The following ODC1 variants were observed in gnomAD, a reference collection of about 807,000 sequenced individuals.
ODC1 encodes the protein ornithine decarboxylase 1, also known as ornithine decarboxylase.
In ODC1, 18 loss-of-function variants were observed where a neutral mutation model predicts 41.5. That is an observed-to-expected ratio of 0.43 (90% CI 0.30 to 0.64). ODC1 has a LOEUF of 0.64. Ranked by LOEUF, ODC1 falls within the 30% of genes least tolerant of loss-of-function variation. The pLI is 0.11. For synonymous variants in ODC1, 218 were observed against 211.6 expected, an observed-to-expected ratio of 1.03 and a Z score of -0.26; for missense variants, 504 against 589.0, an observed-to-expected ratio of 0.86 and a Z score of 1.49.
intron 4 of ODC1, 74 bp downstream of exon 4, chr2:10,444,400 A>C (rs1224391679): frequency 2.6e-6 from 4 of 1,520,052 alleles, no homozygotes; most frequent in Non-Finnish European, 3.5e-6. Flanking sequence ...CAAAAAACAC[A>C]ACTTGTATCT....
intron 8 of ODC1, among the ~76,000 whole-genome samples, chr2:10,442,876 A>G (rs950433315): frequency 1.5e-4 from 22 of 145,962 alleles, no homozygotes; most frequent in African/African-American, 5.8e-4. Context: ...ACACCAGGCT[A>G]ATTTTAAAAT....
In ODC1 at chr2:10,444,513, G is replaced by A. The variant is rs28362397; in HGVS notation, c.237C>T (p.Thr79=). Residue 79 remains threonine, a synonymous_variant, in exon 4 of 12, where the codon ACC becomes ACT. Coordinates refer to ENST00000234111, the MANE Select transcript of ODC1 (RefSeq NM_002539.3). ...KCNDSKAIVK[T]LAATGTGFDC... is the part of the protein sequence containing the mutation. ...CAAATCCTGTCCCGGTAGCAGCAAG[G>A]GTCTTCACGATGGCTTTGCTATCAT... is the stretch of plus-strand genomic sequence containing the variant. 1 of 1,613,704 alleles carries A rather than the reference G, an allele frequency of 6.2e-7. No homozygotes were observed. The highest frequency in any genetic ancestry group is 8.5e-7 in the Non-Finnish European group (1 of 1,179,934).
In ODC1 at chr2:10,441,548, T is replaced by C. The variant is rs756021009; in HGVS notation, c.1202A>G (p.Gln401Arg). 6.2e-7 allele frequency: 1 copy of C among 1,614,082 alleles called. No homozygotes were observed. The highest frequency in any genetic ancestry group is 8.5e-7 in the Non-Finnish European group (1 of 1,180,040). The part of the protein sequence containing the change: ...VAAASTFNGF[Q>R]RPTIYYVMSG... ...CATCACATAGTAGATCGTCGGCCTC[T>C]GGAAGCCATTGAACGTAGAGGCAGC... The change falls in exon 11 of 12, where the codon CAG becomes CGG. Residue 401 changes from glutamine to arginine, a missense_variant. Coordinates refer to ENST00000234111, the MANE Select transcript of ODC1 (RefSeq NM_002539.3).
chr2:10,446,536 G>A (rs1247368650), intron 1 of ODC1, among the ~76,000 whole-genome samples: 1 of 152,226 alleles, frequency 6.6e-6, no homozygotes, highest in Non-Finnish European at 1.5e-5. Flanking sequence ...GCTTAGCTAT[G>A]AGAATAATTT....
rs1027570320 is a variant in ODC1, at chr2:10,442,009, T to A, written c.913+3A>T. On this transcript the variant is annotated splice_donor_region_variant and intron_variant, in intron 9 of 11. Coordinates refer to ENST00000234111, the MANE Select transcript of ODC1 (RefSeq NM_002539.3). Reference sequence around the variant, plus strand: ...CATGAAGTGATTCGTCCTTTATACATACCATCAGAGCCCGTCTGTTCCTTT... The same window carrying A: ...CATGAAGTGATTCGTCCTTTATACAAACCATCAGAGCCCGTCTGTTCCTTT... The A allele has an allele frequency of 4.3e-6, 7 of 1,613,464 alleles. No individual in the cohort carries two copies. The highest frequency in any genetic ancestry group is 5.9e-6 in the Non-Finnish European group (7 of 1,179,490).
chr2:10,447,207 A>T (rs1327197686), intron 1 of ODC1, among the ~76,000 whole-genome samples: 2 of 152,210 alleles, frequency 1.3e-5, no homozygotes, highest in African/African-American at 4.8e-5. Context: ...ACTGAAGAAC[A>T]CCTTTCGGTC....
chr2:10,446,464 G>A (rs1283635261), intron 1 of ODC1, among the ~76,000 whole-genome samples: 2 of 152,138 alleles, frequency 1.3e-5, no homozygotes, highest in South Asian at 4.1e-4. Context: ...TTAAACCAGC[G>A]TTGCCTACCA....
chr2:10,447,271 A>G (rs1314025490), intron 1 of ODC1, among the ~76,000 whole-genome samples: 1 of 152,248 alleles, frequency 6.6e-6, no homozygotes, highest in Non-Finnish European at 1.5e-5. Flanking sequence ...ACAAGAGGAT[A>G]ATGTTAGAAG....
Position 10,440,731 on chromosome 2 carries a change from T to A in ODC1, c.1379A>T (p.Asn460Ile). ...CAGCTACCAGAGTGCTATCTACACA[T>A]TAATACTAGCCGAAGCACAGGCTGC... ...HRAACASASINV is the reference protein window; with the variant it reads ...HRAACASASIIV The change falls in exon 12 of 12, where the codon AAT becomes ATT. Residue 460 changes from asparagine to isoleucine, a missense_variant. Coordinates refer to ENST00000234111, the MANE Select transcript of ODC1 (RefSeq NM_002539.3). 1.2e-6 allele frequency: 2 copies of A among 1,614,024 alleles called. No individual in the cohort carries two copies. Among genetic ancestry groups the A allele is most frequent in the Non-Finnish European group, 1.7e-6 (2 of 1,179,968 alleles).
At chr2:10,442,307 C>T in intron 8 of ODC1, 133 bp from the exon 9 acceptor site, 1 of 920,022 alleles carries the variant, frequency 1.1e-6, no homozygotes, top group Non-Finnish European at 1.6e-6. Context: ...ATTAAAGTAA[C>T]AAAAGCAAAA....
intron 1 of ODC1, among the ~76,000 whole-genome samples, chr2:10,446,302 G>C (rs1672011436): frequency 1.3e-5 from 2 of 152,086 alleles, no homozygotes. Flanking sequence ...CCCGGGGCCT[G>C]GCTAATTTTA....
Position 10,448,213 on chromosome 2 carries a change from C to A in ODC1, c.-220G>T. Reference sequence around the variant, plus strand: ...CCGCAGGAGCGCTCGGCCGCCCCCGCCGCGCCCGTCAGCGCCTGGCTCCCG... The same window carrying A: ...CCGCAGGAGCGCTCGGCCGCCCCCGACGCGCCCGTCAGCGCCTGGCTCCCG... On this transcript the variant is annotated 5_prime_UTR_variant, in exon 1 of 12. Coordinates refer to ENST00000234111, the MANE Select transcript of ODC1 (RefSeq NM_002539.3). 1 of 196,046 alleles carries A rather than the reference C, an allele frequency of 5.1e-6. No individual in the cohort carries two copies. 12.1% of individuals were successfully genotyped at this position (196,046 alleles called of 1,614,324 possible). A position where few individuals can be genotyped will look rare whatever the true frequency, so the allele number is the denominator to read the frequency against.
rs1472707193 is a variant in ODC1 at position 10,444,926 on chromosome 2, C to T, written c.102+5G>A. ...GCACTGCCAGCATGGGCCTCATATA[C>T]TTACAGAAGAAGAAACTTCATTAAT... On this transcript the variant is annotated splice_donor_5th_base_variant and intron_variant, in intron 3 of 11. Transcript: ENST00000234111. 5 of 1,604,108 alleles carry T rather than the reference C, an allele frequency of 3.1e-6. No homozygotes were observed. The highest frequency in any genetic ancestry group is 2.2e-5 in the East Asian group (1 of 44,856).
chr2:10,444,895 T>C (rs1284906204), intron 3 of ODC1, 36 bp downstream of exon 3: 2 of 1,464,326 alleles, frequency 1.4e-6, no homozygotes, highest in Non-Finnish European at 1.9e-6. Context: ...CCTGGCACTC[T>C]CAGCTGCACT....
intron 1 of ODC1, chr2:10,447,723 G>C (rs866667218): frequency 2.6e-5 from 4 of 152,174 alleles, no homozygotes; most frequent in African/African-American, 9.7e-5. Flanking sequence ...GGGCCCGCTC[G>C]TCTGTACCAA....
In ODC1 at chr2:10,441,798, C is replaced by T. The variant is rs369100609; in HGVS notation, c.1026+19G>A. 6.2e-7 allele frequency: 1 copy of T among 1,612,842 alleles called. No individual in the cohort carries two copies. Among genetic ancestry groups the T allele is most frequent in the African/African-American group, 1.3e-5 (1 of 74,984 alleles). On this transcript the variant is annotated intron_variant, in intron 10 of 11. Transcript: ENST00000234111. ...GACCAGTCCTCTTAATTGTTTTATACAGTATGCTCAGAAATTACCTTTTGC... is the reference window on the plus strand; with the variant it reads ...GACCAGTCCTCTTAATTGTTTTATATAGTATGCTCAGAAATTACCTTTTGC...
chr2:10,441,012 A>G, intron 11 of ODC1, 144 bp from the exon 12 acceptor site: 1 of 949,506 alleles, frequency 1.1e-6, no homozygotes, highest in Non-Finnish European at 1.5e-6. Context: ...GCTGGAATAC[A>G]ATGGTGCTAT....
chr2:10,441,948 A>T lies in ODC1; in HGVS notation c.914-19T>A, dbSNP rs201790003. ...TCTTCGTCTAGAAAGGCAGATCAACAATCTTAATGACTTTTTGCATCAGCT... is the reference window on the plus strand; with the variant it reads ...TCTTCGTCTAGAAAGGCAGATCAACTATCTTAATGACTTTTTGCATCAGCT... On this transcript the variant is annotated intron_variant, in intron 9 of 11. Coordinates refer to ENST00000234111, the MANE Select transcript of ODC1 (RefSeq NM_002539.3). 3.7e-5 allele frequency: 60 copies of T among 1,613,528 alleles called. No individual in the cohort carries two copies. In the Admixed American group the frequency reaches 9.7e-4, roughly 26 times the overall value.
rs548916067 is a variant in ODC1 at position 10,441,580 on chromosome 2, A to C, written c.1170T>G (p.Thr390=). 45 of 1,614,212 alleles carry C rather than the reference A, an allele frequency of 2.8e-5. 1 individual carries two copies. The Middle Eastern group carries it at 2.8e-3, about 101-fold the overall frequency. Reference sequence around the variant, plus strand: ...CATTGAACGTAGAGGCAGCAGCAACAGTGTAAGCGCCCATGTTTTCAAAGA... The same window carrying C: ...CATTGAACGTAGAGGCAGCAGCAACCGTGTAAGCGCCCATGTTTTCAAAGA... ...WMLFENMGAY[T]VAAASTFNGF... Residue 390 remains threonine (T), a synonymous_variant, in exon 11 of 12, where the codon ACT becomes ACG. Transcript: ENST00000234111.
Sources: allele counts gnomAD v4.1 joint callset (sites outside exome capture counted in the v4.1 genomes callset), GRCh38; gene constraint gnomAD v4.1.1; transcripts MANE v1.5; gene names NCBI Gene and HGNC (gene_info 2026-07-23, HGNC 2026-07-21).